TXNDC15: variants seen among roughly 807,000 people sequenced by gnomAD.
TXNDC15 encodes the protein thioredoxin domain-containing protein 15.
TXNDC15 carries 24 observed loss-of-function variants against 35.0 expected under a neutral mutation model. The ratio of observed to expected loss-of-function variants is 0.68; its 90% CI spans 0.50 to 0.96. The LOEUF (loss-of-function observed/expected upper bound fraction) is 0.96. TXNDC15 is among the 40% of genes least tolerant of loss of function. The pLI, the probability that TXNDC15 is intolerant of heterozygous loss-of-function variation, is 0.00. For synonymous variants in TXNDC15, 169 were observed against 174.0 expected, an observed-to-expected ratio of 0.97 and a Z score of 0.23; for missense variants, 385 against 453.3, an observed-to-expected ratio of 0.85 and a Z score of 1.37.
chr5:134,887,808 A>T lies in TXNDC15; in HGVS notation c.217A>T (p.Arg73Trp). 6.2e-7 allele frequency: 1 copy of T among 1,614,222 alleles called. No individual in the cohort carries two copies. Among genetic ancestry groups the T allele is most frequent in the Non-Finnish European group, 8.5e-7 (1 of 1,180,022 alleles). Reference sequence around the variant, plus strand: ...CCTGCATGACCCGATGGGCCAGGACAGGGCAGCAGAAGAGGCCAATGCGGT... The same window carrying T: ...CCTGCATGACCCGATGGGCCAGGACTGGGCAGCAGAAGAGGCCAATGCGGT... Reference protein sequence around the residue: ...ELLHDPMGQDRAAEEANAVLG... With the variant: ...ELLHDPMGQDWAAEEANAVLG... The change falls in exon 2 of 5, where the codon AGG (arginine) becomes TGG (tryptophan). Residue 73 changes from arginine to tryptophan, a missense_variant. By Grantham distance (101) the Arg-to-Trp change is moderately radical. Coordinates refer to ENST00000358387, the MANE Select transcript of TXNDC15 (RefSeq NM_024715.4).
intron 1 of TXNDC15, among the ~76,000 whole-genome samples, chr5:134,878,737 G>T (rs1047981410): frequency 1.3e-5 from 2 of 152,150 alleles, no homozygotes; most frequent in African/African-American, 4.8e-5. Flanking sequence ...AGTGGCTCAC[G>T]CCTGTAATCC....
At chr5:134,897,469 G>C (rs1321901479) in intron 4 of TXNDC15, among the ~76,000 whole-genome samples, 1 of 151,946 alleles carries the variant, frequency 6.6e-6, no homozygotes, top group Non-Finnish European at 1.5e-5. Context: ...GGCTGGTCTT[G>C]CACTCCTAAC....
At position 134,874,523 on chromosome 5, in the gene TXNDC15, C is replaced by G. The variant is rs1485842320; in HGVS notation, c.96C>G (p.Gly32=). ...GGGTGCTGGGACTTCCCGTCCGCGGCGTGGAGGGTGAGTGTGGGCCGGGGG... is the reference window on the plus strand; with the variant it reads ...GGGTGCTGGGACTTCCCGTCCGCGGGGTGGAGGGTGAGTGTGGGCCGGGGG... ...LLWVLGLPVR[G]VEVAEESGRL... is the part of the protein sequence containing the mutation. The change falls in exon 1 of 5, where the codon GGC becomes GGG. Residue 32 remains glycine (G), a synonymous_variant. Coordinates refer to ENST00000358387, the MANE Select transcript of TXNDC15 (RefSeq NM_024715.4). The G allele has an allele frequency of 6.3e-7, 1 of 1,599,672 alleles. No homozygotes were observed. The highest frequency in any genetic ancestry group is 1.4e-5 in the African/African-American group (1 of 72,870).
At position 134,887,924 on chromosome 5, in the gene TXNDC15, C is replaced by T. The variant is rs773000719; in HGVS notation, c.333C>T (p.Gly111=). The part of the protein sequence containing the change: ...AEDKVSSEPS[G]VTCGAGGAED... ...ACAAAGTGAGTTCAGAGCCTAGCGG[C>T]GTCACCTGTGGTGCTGGAGGAGCGG... The change falls in exon 2 of 5, where the codon GGC becomes GGT. Residue 111 remains glycine (G), a synonymous_variant. Transcript: ENST00000358387. 33 of 1,614,172 alleles carry T rather than the reference C, an allele frequency of 2.0e-5. No homozygotes were observed. Among genetic ancestry groups the T allele is most frequent in the Non-Finnish European group, 2.5e-5 (30 of 1,180,020 alleles).
chr5:134,878,945 G>A (rs999144175), intron 1 of TXNDC15, among the ~76,000 whole-genome samples: 5 of 152,226 alleles, frequency 3.3e-5, no homozygotes, highest in Non-Finnish European at 7.3e-5. Flanking sequence ...GCTGCAGTGA[G>A]CTGAGATCGT....
intron 1 of TXNDC15, among the ~76,000 whole-genome samples, chr5:134,878,715 C>G (rs556373583): frequency 1.3e-5 from 2 of 152,098 alleles, no homozygotes; most frequent in African/African-American, 2.4e-5. Context: ...AGGCACATTA[C>G]CAGTCGGGTG....
In TXNDC15 at chr5:134,879,968, G is replaced by A. The variant is rs74205223; in HGVS notation, c.103+5438G>A. On this transcript the variant is annotated intron_variant, in intron 1 of 4. Coordinates refer to ENST00000358387, the MANE Select transcript of TXNDC15 (RefSeq NM_024715.4). ...ATGCCGCCACATCTGGCTAATTTTT[G>A]TATTTTTAGTACAGACGGGATTTCA... is the stretch of plus-strand genomic sequence containing the variant. Among the ~76,000 whole-genome samples the A allele has an allele frequency of 3.4e-3, 514 of 152,130 alleles. 8 individuals carry two copies. The East Asian group carries it at 0.037, about 11-fold the overall frequency.
At chr5:134,890,048 TGAGACA>T in intron 2 of TXNDC15, among the ~76,000 whole-genome samples, 1 of 152,154 alleles carries the variant, frequency 6.6e-6, no homozygotes. Flanking sequence ...GCAATTTCTT[TGAGACA>T]GAGTATTGCT....
intron 1 of TXNDC15, among the ~76,000 whole-genome samples, chr5:134,885,726 G>T (rs985498898): frequency 6.6e-6 from 1 of 152,182 alleles, no homozygotes; most frequent in South Asian, 2.1e-4. Flanking sequence ...CAGTGGGAAC[G>T]CCATCAAGGC....
intron 3 of TXNDC15, among the ~76,000 whole-genome samples, chr5:134,894,528 G>A (rs1015309174): frequency 4.0e-5 from 6 of 151,728 alleles, no homozygotes; most frequent in African/African-American, 9.7e-5. Context: ...CCACCATGCC[G>A]GCTAATTTTG....
Position 134,874,377 on chromosome 5 carries a change from C to G in TXNDC15, c.-51C>G. On this transcript the variant is annotated 5_prime_UTR_variant, in exon 1 of 5. Transcript: ENST00000358387. ...CTCTCCTCCCCCAGCCTTCCTCCGG[C>G]TGGCAGCACGACTCGCGTAGCCGTG... The G allele has an allele frequency of 6.7e-7, 1 of 1,493,226 alleles. No individual in the cohort carries two copies. The highest frequency in any genetic ancestry group is 9.0e-7 in the Non-Finnish European group (1 of 1,114,700). The allele number at this position is 1,493,226 out of a possible 1,614,324, so 92.5% of individuals were successfully genotyped here. A position where few individuals can be genotyped will look rare whatever the true frequency, so the allele number is the denominator to read the frequency against.
chr5:134,899,745 T>C lies in TXNDC15; in HGVS notation c.*60T>C. On this transcript the variant is annotated 3_prime_UTR_variant, in exon 5 of 5. Coordinates refer to ENST00000358387, the MANE Select transcript of TXNDC15 (RefSeq NM_024715.4). ...AATCCTTCGTTTCAGAAATTAGTGCTACAGTTTCATACATTTTCTCCAGTG... is the reference window on the plus strand; with the variant it reads ...AATCCTTCGTTTCAGAAATTAGTGCCACAGTTTCATACATTTTCTCCAGTG... The C allele has an allele frequency of 1.5e-6, 2 of 1,339,106 alleles. No homozygotes were observed. Among genetic ancestry groups the C allele is most frequent in the South Asian group, 1.5e-5 (1 of 65,258 alleles). 83.0% of individuals were successfully genotyped at this position (1,339,106 alleles called of 1,614,324 possible).
chr5:134,877,074 G>T (rs777804286), intron 1 of TXNDC15, among the ~76,000 whole-genome samples: 1 of 152,106 alleles, frequency 6.6e-6, no homozygotes, highest in Non-Finnish European at 1.5e-5. Flanking sequence ...GTCCCAGGGC[G>T]TTTTTGGGAA....
At chr5:134,885,395 T>C (rs1750256394) in intron 1 of TXNDC15, among the ~76,000 whole-genome samples, 1 of 152,368 alleles carries the variant, frequency 6.6e-6, no homozygotes, top group South Asian at 2.1e-4. Flanking sequence ...CTGTGAATTA[T>C]GAAGTTTTTC....
At chr5:134,895,285 T>C (rs1415739972) in intron 3 of TXNDC15, among the ~76,000 whole-genome samples, 2 of 152,216 alleles carry the variant, frequency 1.3e-5, no homozygotes, top group African/African-American at 2.4e-5. Flanking sequence ...AAATTAGTAA[T>C]TTTCATATAG....
chr5:134,879,691 A>C (rs1750103195), intron 1 of TXNDC15, among the ~76,000 whole-genome samples: 1 of 152,030 alleles, frequency 6.6e-6, no homozygotes, highest in African/African-American at 2.4e-5. Flanking sequence ...TCTGGATTGT[A>C]GTCACAGAAG....
In TXNDC15 at chr5:134,900,495, G is replaced by A. The variant is rs527324410; in HGVS notation, c.*810G>A. On this transcript the variant is annotated 3_prime_UTR_variant, in exon 5 of 5. Coordinates refer to ENST00000358387, the MANE Select transcript of TXNDC15 (RefSeq NM_024715.4). ...TTGAGACCAGCCTGGCCAACTTGGT[G>A]AAACCCTCTCTCTACTAAAAATACA... 6.6e-6 allele frequency: 1 copy of A among 152,224 alleles called. No individual in the cohort carries two copies. Among genetic ancestry groups the A allele is most frequent in the South Asian group, 2.1e-4 (1 of 4,820 alleles). 9.4% of individuals were successfully genotyped at this position (152,224 alleles called of 1,614,324 possible).
intron 3 of TXNDC15, 91 bp downstream of exon 3, chr5:134,893,746 AG>A: frequency 4.6e-6 from 7 of 1,525,962 alleles, no homozygotes; most frequent in South Asian, 1.2e-5. Flanking sequence ...GAAGCAGAAG[AG>A]GGGGGGCATG....
intron 1 of TXNDC15, among the ~76,000 whole-genome samples, chr5:134,886,617 C>T (rs958551315): frequency 2.0e-5 from 3 of 152,212 alleles, no homozygotes; most frequent in Admixed American, 6.5e-5. Context: ...TCTGCACTGC[C>T]GAGCCCATCT....
Sources: allele counts gnomAD v4.1 joint callset (sites outside exome capture counted in the v4.1 genomes callset), GRCh38; gene constraint gnomAD v4.1.1; transcripts MANE v1.5; gene names NCBI Gene and HGNC (gene_info 2026-07-23, HGNC 2026-07-21).